Variants in AKAP11 observed in about 807,000 individuals in gnomAD.
The protein encoded by AKAP11 is A-kinase anchoring protein 11.
A neutral mutation model predicts 146.1 loss-of-function variants in AKAP11; 36 were observed. The ratio of observed to expected loss-of-function variants is 0.25; its 90% CI spans 0.19 to 0.33. The LOEUF (loss-of-function observed/expected upper bound fraction) is 0.33. Ranked by LOEUF, AKAP11 falls within the 10% of genes least tolerant of loss-of-function variation. AKAP11 has a pLI of 1.00. For synonymous variants in AKAP11, 780 were observed against 786.5 expected (o/e 0.99, Z 0.14); for missense variants, 2,201 against 2,197.0 (o/e 1.00, Z -0.04).
In AKAP11 at chr13:42,323,096, AT is replaced by A. The variant is rs2138757040; in HGVS notation, c.*3869del. ...TAATTTAATATGTTCACTTAACAAA[AT>A]ACGAACTTTGAGATGCACTAAAGTT... is the stretch of plus-strand genomic sequence containing the variant. On this transcript the variant is annotated 3_prime_UTR_variant, in exon 13 of 13. Transcript: ENST00000025301. 1 of 152,912 alleles carries A rather than the reference AT, an allele frequency of 6.5e-6. No homozygotes were observed. The highest frequency in any genetic ancestry group is 2.4e-5 in the African/African-American group (1 of 41,574). 9.5% of individuals were successfully genotyped at this position (152,912 alleles called of 1,614,324 possible). A position where few individuals can be genotyped will look rare whatever the true frequency, so the allele number is the denominator to read the frequency against.
chr13:42,294,265 A>G (rs1959372901), intron 4 of AKAP11, among the ~76,000 whole-genome samples: 1 of 152,172 alleles, frequency 6.6e-6, no homozygotes, highest in Non-Finnish European at 1.5e-5. Flanking sequence ...TTTTTTAGCC[A>G]CAGTGGTTGC....
At chr13:42,308,332 C>T in intron 8 of AKAP11, 122 bp from the exon 9 acceptor site, 1 of 777,458 alleles carries the variant, frequency 1.3e-6, no homozygotes. Context: ...ACATGAGCCA[C>T]TGGTCTGATT....
chr13:42,306,125 C>T (rs560222049), intron 8 of AKAP11, among the ~76,000 whole-genome samples: 1 of 152,278 alleles, frequency 6.6e-6, no homozygotes, highest in South Asian at 2.1e-4. Context: ...AATTGCGAAC[C>T]TCTGTCCTAG....
chr13:42,301,056 G>T lies in AKAP11; in HGVS notation c.2310G>T (p.Leu770Phe). 6.2e-7 allele frequency: 1 copy of T among 1,614,096 alleles called. No individual in the cohort carries two copies. ...AGGAATACACAGTGCAGCAGGCCTTGTTTTGTACTTCTGGAATTGTTACTT... is the reference window on the plus strand; with the variant it reads ...AGGAATACACAGTGCAGCAGGCCTTTTTTTGTACTTCTGGAATTGTTACTT... The part of the protein sequence containing the change: ...YKKEYTVQQA[L>F]FCTSGIVTSI... The change falls in exon 8 of 13, where the codon TTG becomes TTT. Residue 770 changes from leucine to phenylalanine, a missense_variant. Physicochemically the swap from Leu to Phe is conservative, Grantham distance 22. Transcript: ENST00000025301.
At chr13:42,273,793 A>G (rs1025429815) in intron 1 of AKAP11, among the ~76,000 whole-genome samples, 4 of 152,110 alleles carry the variant, frequency 2.6e-5, no homozygotes, top group Non-Finnish European at 4.4e-5. Context: ...GGTACTTTTA[A>G]TTTTTTTATT....
chr13:42,318,962 A>T, intron 12 of AKAP11, 126 bp from the exon 13 acceptor site: 1 of 1,162,400 alleles, frequency 8.6e-7, no homozygotes, highest in Non-Finnish European at 1.2e-6. Context: ...ACCTTGTTAT[A>T]ACTAGGAAAC....
At chr13:42,282,534 A>G (rs958394207) in intron 1 of AKAP11, among the ~76,000 whole-genome samples, 1 of 152,032 alleles carries the variant, frequency 6.6e-6, no homozygotes, top group Non-Finnish European at 1.5e-5. Flanking sequence ...GGACTAAAGG[A>G]TATGTGTATT....
Position 42,303,679 on chromosome 13 carries a change from G to C in AKAP11, c.4933G>C (p.Asp1645His). The C allele has an allele frequency of 1.2e-6, 2 of 1,614,136 alleles. No homozygotes were observed. The highest frequency in any genetic ancestry group is 1.7e-6 in the Non-Finnish European group (2 of 1,180,020). Residue 1645 changes from aspartate to histidine, a missense_variant, in exon 8 of 13, where the codon GAT becomes CAT. Around this residue, in one of 3 missense-constraint regions of AKAP11, gnomAD observed 1,867 missense variants for 1,833.5 expected, o/e 1.02. Coordinates refer to ENST00000025301, the MANE Select transcript of AKAP11 (RefSeq NM_016248.4). ...TGTCCCTCAGATTCATGTTAATCTT[G>C]ATAAGAAGGCAGTGCTTGCTGAGAA... is the stretch of plus-strand genomic sequence containing the variant. ...LSVPQIHVNL[D>H]KKAVLAEKIV...
At chr13:42,297,800 TA>T (rs1959603843) in intron 6 of AKAP11, among the ~76,000 whole-genome samples, 1 of 152,014 alleles carries the variant, frequency 6.6e-6, no homozygotes, top group African/African-American at 2.4e-5. Flanking sequence ...ATTTTAGTTT[TA>T]AAAAAACTGC....
rs148487571 is a variant in AKAP11, at chr13:42,291,926, T to G, written c.52-459T>G. 1.4e-3 allele frequency among the ~76,000 whole-genome samples: 220 copies of G among 152,374 alleles called. 2 individuals carry two copies. The highest frequency in any genetic ancestry group is 5.0e-3 in the African/African-American group (206 of 41,588). Reference sequence around the variant, plus strand: ...GAAAACCTTATTTTGGATTATTATCTTATTTTTCTGTCTCCAACTTTGTTA... The same window carrying G: ...GAAAACCTTATTTTGGATTATTATCGTATTTTTCTGTCTCCAACTTTGTTA... On this transcript the variant is annotated intron_variant, in intron 3 of 12. Transcript: ENST00000025301.
chr13:42,314,961 C>G (rs747911903), intron 11 of AKAP11, among the ~76,000 whole-genome samples: 19 of 151,914 alleles, frequency 1.3e-4, no homozygotes, highest in Non-Finnish European at 2.6e-4. Flanking sequence ...TATATTCAGG[C>G]GGTTGTTGAA....
chr13:42,311,173 G>A (rs1203434417), intron 9 of AKAP11, among the ~76,000 whole-genome samples: 1 of 152,156 alleles, frequency 6.6e-6, no homozygotes, highest in Non-Finnish European at 1.5e-5. Context: ...ATGGCTAAAA[G>A]CTGCAATAAA....
Position 42,302,733 on chromosome 13 carries a change from A to C in AKAP11, c.3987A>C (p.Ser1329=), listed in dbSNP as rs1452479487. Residue 1329 remains serine, a synonymous_variant, in exon 8 of 13, where the codon TCA becomes TCC. Coordinates refer to ENST00000025301, the MANE Select transcript of AKAP11 (RefSeq NM_016248.4). ...CATTACCACCAAGTTCTTGTATGTCAGGTCTGATGTATAAGTATCCCAGCT... is the reference window on the plus strand; with the variant it reads ...CATTACCACCAAGTTCTTGTATGTCCGGTCTGATGTATAAGTATCCCAGCT... ...ILSLPPSSCM[S]GLMYKYPSCE... is the part of the protein sequence containing the mutation. 12 of 1,614,004 alleles carry C rather than the reference A, an allele frequency of 7.4e-6. No homozygotes were observed. Among genetic ancestry groups the C allele is most frequent in the South Asian group, 5.5e-5 (5 of 91,078 alleles).
chr13:42,274,992 C>T (rs140409280), intron 1 of AKAP11, among the ~76,000 whole-genome samples: 19 of 152,232 alleles, frequency 1.2e-4, no homozygotes, highest in South Asian at 6.2e-4. Flanking sequence ...TTTTACCTCC[C>T]GTAATGGTTT....
chr13:42,293,402 A>C (rs959030657), intron 4 of AKAP11, among the ~76,000 whole-genome samples: 4 of 152,122 alleles, frequency 2.6e-5, no homozygotes, highest in Non-Finnish European at 5.9e-5. Flanking sequence ...ATTCCTTGAG[A>C]AATTCTCTAT....
intron 5 of AKAP11, among the ~76,000 whole-genome samples, chr13:42,296,466 A>G (rs1346671227): frequency 2.6e-5 from 4 of 152,160 alleles, no homozygotes; most frequent in Non-Finnish European, 4.4e-5. Context: ...AAAGTACTCT[A>G]CAAAGGGTCA....
chr13:42,318,352 G>A (rs1490635475), intron 12 of AKAP11, among the ~76,000 whole-genome samples: 1 of 152,170 alleles, frequency 6.6e-6, no homozygotes, highest in Non-Finnish European at 1.5e-5. Context: ...AGGACACTTT[G>A]GGTGAATTGT....
intron 8 of AKAP11, among the ~76,000 whole-genome samples, chr13:42,305,598 ATAAAT>A (rs1960213176): frequency 6.6e-6 from 1 of 152,220 alleles, no homozygotes; most frequent in South Asian, 2.1e-4. Flanking sequence ...TTCAGTATTT[ATAAAT>A]AAAGTTTTAT....
chr13:42,301,345 A>C lies in AKAP11; in HGVS notation c.2599A>C (p.Asn867His), dbSNP rs1285676047. ...AATGCAGAGTTCCTCAAAATTACCAAATGATCCTGCAATTATTAGCAACTT... is the reference window on the plus strand; with the variant it reads ...AATGCAGAGTTCCTCAAAATTACCACATGATCCTGCAATTATTAGCAACTT... Reference protein sequence around the residue: ...IEMQSSSKLPNDPAIISNFSA... With the variant: ...IEMQSSSKLPHDPAIISNFSA... The change falls in exon 8 of 13, where the codon AAT becomes CAT. Residue 867 changes from asparagine to histidine, a missense_variant. Around this residue, in one of 3 missense-constraint regions of AKAP11, gnomAD observed 1,867 missense variants for 1,833.5 expected, o/e 1.02. Coordinates refer to ENST00000025301, the MANE Select transcript of AKAP11 (RefSeq NM_016248.4). 1.2e-6 allele frequency: 2 copies of C among 1,613,872 alleles called. No individual in the cohort carries two copies. Among genetic ancestry groups the C allele is most frequent in the African/African-American group, 1.3e-5 (1 of 74,934 alleles).
Sources: allele counts gnomAD v4.1 joint callset (sites outside exome capture counted in the v4.1 genomes callset), GRCh38; gene constraint gnomAD v4.1.1; regional missense constraint gnomAD v4.1.1; transcripts MANE v1.5; gene names NCBI Gene and HGNC (gene_info 2026-07-23, HGNC 2026-07-21).